Variants in KCND3 observed in about 807,000 individuals in gnomAD.
KCND3 encodes A-type voltage-gated potassium channel KCND3.
KCND3 carries 9 observed loss-of-function variants against 51.1 expected under a neutral mutation model. That is an observed-to-expected ratio of 0.18 (90% confidence interval 0.11 to 0.31). KCND3 has a LOEUF of 0.31. Among genes scored for constraint, KCND3 ranks in the 10% least tolerant of loss-of-function variants. KCND3 has a pLI of 1.00. For synonymous variants in KCND3, 349 were observed against 368.0 expected (o/e 0.95, Z 0.59); for missense variants, 526 against 903.8 (o/e 0.58, Z 5.36).
chr1:111,797,833 C>G (rs1158679971), intron 2 of KCND3, among the ~76,000 whole-genome samples: 1 of 152,160 alleles, frequency 6.6e-6, no homozygotes, highest in Non-Finnish European at 1.5e-5. Context: ...CTGAAATCAG[C>G]AGATTTCCAG....
At chr1:111,943,637 GCCTCTTGTGCATCA>G (rs1420643534) in intron 2 of KCND3, among the ~76,000 whole-genome samples, 1 of 152,216 alleles carries the variant, frequency 6.6e-6, no homozygotes, top group Non-Finnish European at 1.5e-5. Flanking sequence ...GCTGGGTCAT[GCCTCTTGTGCATCA>G]CCTGGACAGT....
intron 2 of KCND3, among the ~76,000 whole-genome samples, chr1:111,869,787 C>A (rs536230028): frequency 1.3e-5 from 2 of 152,308 alleles, no homozygotes; most frequent in South Asian, 4.1e-4. Flanking sequence ...TCCCAGAAGA[C>A]CACGGGTCTT....
chr1:111,892,810 A>C (rs972235067), intron 2 of KCND3, among the ~76,000 whole-genome samples: 2 of 152,254 alleles, frequency 1.3e-5, no homozygotes, highest in Non-Finnish European at 2.9e-5. Context: ...TATCTACTGA[A>C]CCAATTAATG....
At chr1:111,853,085 A>G (rs541811993) in intron 2 of KCND3, among the ~76,000 whole-genome samples, 1 of 152,380 alleles carries the variant, frequency 6.6e-6, no homozygotes, top group East Asian at 1.9e-4. Context: ...ATAGGTAATG[A>G]TACTAACCCC....
Position 111,895,313 on chromosome 1 carries a change from CA to C in KCND3, c.1106+86307del, listed in dbSNP as rs150681895. Among the ~76,000 whole-genome samples the C allele has an allele frequency of 4.5e-3, 681 of 151,774 alleles. 9 individuals carry two copies. The highest frequency in any genetic ancestry group is 0.017 in the Middle Eastern group (5 of 294). On this transcript the variant is annotated intron_variant, in intron 2 of 7. Transcript: ENST00000302127. ...CTCTGCTTTTACCAAATCTGAGGGTCAGGGGGAGGCCTTTGGGCAAAAACGT... is the reference window on the plus strand; with the variant it reads ...CTCTGCTTTTACCAAATCTGAGGGTCGGGGGAGGCCTTTGGGCAAAAACGT...
chr1:111,778,540 A>C, intron 5 of KCND3, 48 bp from the exon 6 acceptor site: 1 of 1,558,120 alleles, frequency 6.4e-7, no homozygotes, highest in Non-Finnish European at 8.9e-7. Flanking sequence ...TTGATTGTAC[A>C]TTCCAGCATT....
At chr1:111,900,059 T>C (rs1670311348) in intron 2 of KCND3, among the ~76,000 whole-genome samples, 1 of 152,146 alleles carries the variant, frequency 6.6e-6, no homozygotes, top group Admixed American at 6.5e-5. Flanking sequence ...AGATACTGTG[T>C]CTTGCCTGGG....
At chr1:111,917,449 CT>C (rs1671272565) in intron 2 of KCND3, among the ~76,000 whole-genome samples, 1 of 152,140 alleles carries the variant, frequency 6.6e-6, no homozygotes, top group South Asian at 2.1e-4. Flanking sequence ...TAAATGCTCA[CT>C]ATTATTGTTA....
intron 2 of KCND3, among the ~76,000 whole-genome samples, chr1:111,877,264 T>A (rs952041960): frequency 2.0e-5 from 3 of 152,256 alleles, no homozygotes; most frequent in Admixed American, 2.0e-4. Context: ...GTCTGAAGCG[T>A]CAATGATCTA....
intron 2 of KCND3, among the ~76,000 whole-genome samples, chr1:111,968,807 T>A (rs1674162043): frequency 6.6e-6 from 1 of 152,104 alleles, no homozygotes; most frequent in Non-Finnish European, 1.5e-5. Context: ...ATCTCTCTAG[T>A]GGACTAGGAG....
chr1:111,881,140 A>T (rs1174583823), intron 2 of KCND3, among the ~76,000 whole-genome samples: 1 of 152,178 alleles, frequency 6.6e-6, no homozygotes, highest in East Asian at 1.9e-4. Context: ...TGAGGACATT[A>T]CATATTTGGC....
intron 2 of KCND3, among the ~76,000 whole-genome samples, chr1:111,960,743 A>T (rs1452917567): frequency 1.3e-5 from 2 of 152,080 alleles, no homozygotes; most frequent in Admixed American, 6.5e-5. Context: ...TTTCTCTCCA[A>T]CCCCTTCTCT....
rs543347866 is a variant in KCND3, at chr1:111,962,545, C to T, written c.1106+19076G>A. 2.6e-5 allele frequency among the ~76,000 whole-genome samples: 4 copies of T among 152,350 alleles called. No individual in the cohort carries two copies. The East Asian group carries it at 7.7e-4, about 29-fold the overall frequency. ...AGTGACATCATGCCATTACATCCCA[C>T]TCTTAGGGACTTAGAGCCCCTGCCT... On this transcript the variant is annotated intron_variant, in intron 2 of 7. Transcript: ENST00000302127.
At chr1:111,786,103 C>G in intron 3 of KCND3, among the ~76,000 whole-genome samples, 1 of 152,218 alleles carries the variant, frequency 6.6e-6, no homozygotes, top group East Asian at 1.9e-4. Flanking sequence ...ACCGCTTTCC[C>G]ACTTCCCCAA....
At position 111,780,617 on chromosome 1, in the gene KCND3, G is replaced by T; in HGVS notation, c.1371+73C>A. The T allele has an allele frequency of 1.6e-6, 2 of 1,285,888 alleles. No homozygotes were observed. The highest frequency in any genetic ancestry group is 2.5e-5 in the East Asian group (1 of 40,122). The allele number at this position is 1,285,888 out of a possible 1,614,324, so 79.7% of individuals were successfully genotyped here. A position where few individuals can be genotyped will look rare whatever the true frequency, so the allele number is the denominator to read the frequency against. On this transcript the variant is annotated intron_variant, in intron 4 of 7. Transcript: ENST00000302127. This position sits in a 1 kb window ranked among gnomAD's most constrained non-coding sequence, Gnocchi z 4.2. Reference sequence around the variant, plus strand: ...ATACTGGGGCTCTGGTGAGAGTGCTGGTGTCCCGGGAAAGAGAAAACAAGC... The same window carrying T: ...ATACTGGGGCTCTGGTGAGAGTGCTTGTGTCCCGGGAAAGAGAAAACAAGC...
intron 2 of KCND3, among the ~76,000 whole-genome samples, chr1:111,975,233 C>A (rs1339291824): frequency 6.6e-6 from 1 of 152,224 alleles, no homozygotes; most frequent in Admixed American, 6.5e-5. Flanking sequence ...GCTGATGCTA[C>A]AACTCAGGTG....
chr1:111,873,683 C>G (rs575689501), intron 2 of KCND3, among the ~76,000 whole-genome samples: 26 of 152,176 alleles, frequency 1.7e-4, no homozygotes, highest in African/African-American at 6.0e-4. Context: ...CAAGCAGATG[C>G]TTATTATAGA....
At chr1:111,873,399 A>G (rs1422320893) in intron 2 of KCND3, among the ~76,000 whole-genome samples, 1 of 152,196 alleles carries the variant, frequency 6.6e-6, no homozygotes, top group Non-Finnish European at 1.5e-5. Flanking sequence ...TGTGGTATGG[A>G]GGCACCTGTG....
rs1246065469 is a variant in KCND3, at chr1:111,981,227, C to T, written c.1106+394G>A. On this transcript the variant is annotated intron_variant, in intron 2 of 7. Transcript: ENST00000302127. This position sits in a 1 kb window ranked among gnomAD's most constrained non-coding sequence, Gnocchi z 6.2. ...ATGGACATCTGAACCCTCCGAACTTCTCAACAGTCTCCTCCCTCCCCAACA... is the reference window on the plus strand; with the variant it reads ...ATGGACATCTGAACCCTCCGAACTTTTCAACAGTCTCCTCCCTCCCCAACA... Among the ~76,000 whole-genome samples, 1 of 152,104 alleles carries T rather than the reference C, an allele frequency of 6.6e-6. No homozygotes were observed. The highest frequency in any genetic ancestry group is 1.5e-5 in the Non-Finnish European group (1 of 68,022).
Sources: allele counts gnomAD v4.1 joint callset (sites outside exome capture counted in the v4.1 genomes callset), GRCh38; gene constraint gnomAD v4.1.1; non-coding constraint Gnocchi (gnomAD v3.1); transcripts MANE v1.5; gene names NCBI Gene and HGNC (gene_info 2026-07-23, HGNC 2026-07-21).